The following KCNK17 variants were observed in gnomAD, a reference collection of about 807,000 sequenced individuals.
KCNK17 encodes the protein potassium two pore domain channel subfamily K member 17, also known as potassium channel subfamily K member 17.
A neutral mutation model predicts 24.6 loss-of-function variants in KCNK17; 27 were observed. The observed-to-expected ratio is 1.10, with a 90% CI of 0.81 to 1.51. The LOEUF is 1.51. Among genes scored for constraint, KCNK17 ranks in the 40% most tolerant of loss-of-function variants. The probability of loss-of-function intolerance (pLI) is 0.00; values close to 1 mark genes in which losing one functional copy is unlikely to be tolerated. For synonymous variants in KCNK17, 181 were observed against 189.8 expected, an observed-to-expected ratio of 0.95 and a Z score of 0.38; for missense variants, 450 against 436.6, an observed-to-expected ratio of 1.03 and a Z score of -0.27.
At chr6:39,314,004 C>T (rs887999961) in intron 1 of KCNK17, 80 bp downstream of exon 1, 17 of 1,101,140 alleles carry the variant, frequency 1.5e-5, no homozygotes, top group Non-Finnish European at 1.9e-5. Context: ...CCTGAATAGG[C>T]CCCCTCGCCC....
At chr6:39,304,207 G>A in intron 3 of KCNK17, 76 bp from the exon 4 acceptor site, 1 of 1,405,196 alleles carries the variant, frequency 7.1e-7, no homozygotes, top group East Asian at 2.4e-5. Flanking sequence ...CTGGAGGCAG[G>A]CCAGAGCTGT....
intron 4 of KCNK17, chr6:39,300,385 AAGTGTT>A: frequency 8.8e-7 from 1 of 1,136,468 alleles, no homozygotes. Context: ...CGGCCTCCCA[AAGTGTT>A]AGAATTACAG....
intron 1 of KCNK17, 22 bp from the exon 2 acceptor site, chr6:39,311,029 C>A (rs1455928115): frequency 6.7e-7 from 1 of 1,487,342 alleles, no homozygotes; most frequent in Admixed American, 1.8e-5. Context: ...GCTGCAATGA[C>A]CACCAGGCTC....
At chr6:39,304,282 C>T in intron 3 of KCNK17, 151 bp from the exon 4 acceptor site, 1 of 824,852 alleles carries the variant, frequency 1.2e-6, no homozygotes. Flanking sequence ...GGAGCCTGTG[C>T]CTCATGTCCT....
At chr6:39,311,086 A>T in intron 1 of KCNK17, 79 bp from the exon 2 acceptor site, 2 of 386,724 alleles carry the variant, frequency 5.2e-6, no homozygotes, top group South Asian at 4.2e-5. Context: ...ACACACACAC[A>T]CACACACACA....
intron 2 of KCNK17, among the ~76,000 whole-genome samples, chr6:39,305,670 T>C (rs1403979173): frequency 3.9e-5 from 6 of 152,238 alleles, no homozygotes; most frequent in Non-Finnish European, 8.8e-5. Flanking sequence ...TAGATCATCA[T>C]TGAGGTTATA....
At chr6:39,303,616 G>A (rs1761980602) in intron 4 of KCNK17, among the ~76,000 whole-genome samples, 1 of 152,198 alleles carries the variant, frequency 6.6e-6, no homozygotes, top group African/African-American at 2.4e-5. Context: ...CCAGAGAAGT[G>A]GGACAGATTG....
chr6:39,313,543 G>T (rs1156389275), intron 1 of KCNK17, among the ~76,000 whole-genome samples: 2 of 152,174 alleles, frequency 1.3e-5, no homozygotes, highest in African/African-American at 2.4e-5. Context: ...CTACGGCCGC[G>T]CCCTCGCTCC....
At chr6:39,303,210 C>T (rs1376207266) in intron 4 of KCNK17, among the ~76,000 whole-genome samples, 1 of 152,172 alleles carries the variant, frequency 6.6e-6, no homozygotes, top group African/African-American at 2.4e-5. Flanking sequence ...CTCCTCCCCA[C>T]ATTAGGGTCT....
At chr6:39,311,704 T>A (rs1762142964) in intron 1 of KCNK17, among the ~76,000 whole-genome samples, 1 of 152,190 alleles carries the variant, frequency 6.6e-6, no homozygotes, top group Non-Finnish European at 1.5e-5. Flanking sequence ...AAGAAGGATG[T>A]TCATTCTCAT....
At position 39,310,914 on chromosome 6, in the gene KCNK17, C is replaced by G. The variant is rs760227331; in HGVS notation, c.331G>C (p.Val111Leu). 2 of 1,605,618 alleles carry G rather than the reference C, an allele frequency of 1.2e-6. No individual in the cohort carries two copies. Among genetic ancestry groups the G allele is most frequent in the Admixed American group, 3.4e-5 (2 of 59,612 alleles). The change falls in exon 2 of 5, where the codon GTG (valine) becomes CTG (leucine). Residue 111 changes from valine to leucine, a missense_variant. Transcript: ENST00000373231. ...WELVGSFFFS[V>L]STITTIGYGN... is the part of the protein sequence containing the mutation. ...TTACCAATGGTGGTGATGGTGGACA[C>G]AGAAAAGAAGAAGGAGCCCACGAGC...
At chr6:39,311,051 G>A (rs1762126411) in intron 1 of KCNK17, 44 bp from the exon 2 acceptor site, 1 of 1,063,358 alleles carries the variant, frequency 9.4e-7, no homozygotes, top group Non-Finnish European at 1.4e-6. Context: ...GTGGGGTGAT[G>A]GATTTCCTGT....
intron 2 of KCNK17, among the ~76,000 whole-genome samples, chr6:39,306,676 GGA>G (rs986190105): frequency 2.0e-5 from 3 of 152,018 alleles, no homozygotes; most frequent in Non-Finnish European, 2.9e-5. Flanking sequence ...CATGTGCTTT[GGA>G]GTCTGCTGCA....
At chr6:39,314,045 C>G (rs956253428) in intron 1 of KCNK17, 39 bp downstream of exon 1, 45 of 1,484,424 alleles carry the variant, frequency 3.0e-5, no homozygotes, top group Non-Finnish European at 3.9e-5. Context: ...CCCGCTACCC[C>G]ATCCCGCCGC....
chr6:39,312,585 C>A (rs1023990915), intron 1 of KCNK17, among the ~76,000 whole-genome samples: 23 of 152,118 alleles, frequency 1.5e-4, no homozygotes, highest in Admixed American at 4.6e-4. Context: ...AAACAGTACC[C>A]ACCTGTGAGG....
intron 4 of KCNK17, among the ~76,000 whole-genome samples, chr6:39,303,100 G>A (rs1387950917): frequency 6.6e-6 from 1 of 152,184 alleles, no homozygotes; most frequent in Non-Finnish European, 1.5e-5. Flanking sequence ...GTAAAATGGG[G>A]GTGACAATTG....
At chr6:39,302,092 G>A (rs566399272) in intron 4 of KCNK17, among the ~76,000 whole-genome samples, 1 of 152,332 alleles carries the variant, frequency 6.6e-6, no homozygotes, top group Admixed American at 6.5e-5. Context: ...CCCTGCAGGT[G>A]AAGCAGTTGG....
intron 2 of KCNK17, among the ~76,000 whole-genome samples, chr6:39,309,187 G>A (rs913808366): frequency 6.6e-6 from 1 of 152,246 alleles, no homozygotes; most frequent in African/African-American, 2.4e-5. Context: ...AGCCGGGCAT[G>A]TTGGCAAGTG....
Position 39,314,168 on chromosome 6 carries a change from G to GGAGTCCTGCGCCGCGCGGCCC in KCNK17, c.132_152dup (p.Gly45_Ser51dup). On this transcript the variant is annotated inframe_insertion, in exon 1 of 5. Coordinates refer to ENST00000373231, the MANE Select transcript of KCNK17 (RefSeq NM_031460.4). Reference sequence around the variant, plus strand: ...ACTTGTCGCGCTGGAAGCTGCGGCTGGAGTCCTGCGCCGCGCGGCCCTCCA... The same window carrying GGAGTCCTGCGCCGCGCGGCCC: ...ACTTGTCGCGCTGGAAGCTGCGGCTGGAGTCCTGCGCCGCGCGGCCCGAGTCCTGCGCCGCGCGGCCCTCCA... 2 of 1,566,348 alleles carry GGAGTCCTGCGCCGCGCGGCCC rather than the reference G, an allele frequency of 1.3e-6. No homozygotes were observed.
Sources: allele counts gnomAD v4.1 joint callset (sites outside exome capture counted in the v4.1 genomes callset), GRCh38; gene constraint gnomAD v4.1.1; transcripts MANE v1.5; gene names NCBI Gene and HGNC (gene_info 2026-07-23, HGNC 2026-07-21).